The following CNTNAP2 variants were observed in gnomAD, a reference collection of about 807,000 sequenced individuals.
CNTNAP2 encodes the protein contactin-associated protein-like 2.
Under a neutral mutation model 155.2 loss-of-function variants are expected in CNTNAP2, and 98 were observed. The ratio of observed to expected loss-of-function variants is 0.63; its 90% CI spans 0.54 to 0.75. CNTNAP2 has a LOEUF of 0.75. Among genes scored for constraint, CNTNAP2 ranks in the 30% least tolerant of loss-of-function variants. The pLI is 0.00. For synonymous variants in CNTNAP2, 651 were observed against 631.2 expected, an observed-to-expected ratio of 1.03 and a Z score of -0.47; for missense variants, 1,727 against 1,688.1, an observed-to-expected ratio of 1.02 and a Z score of -0.40.
At chr7:147,858,726 A>G (rs1799086514) in intron 13 of CNTNAP2, among the ~76,000 whole-genome samples, 1 of 152,146 alleles carries the variant, frequency 6.6e-6, no homozygotes, top group South Asian at 2.1e-4. Context: ...CCAGGTGAGG[A>G]CAAAGTTAGA....
intron 12 of CNTNAP2, among the ~76,000 whole-genome samples, chr7:147,619,944 G>A (rs1443349086): frequency 6.6e-6 from 1 of 152,196 alleles, no homozygotes; most frequent in East Asian, 1.9e-4. Context: ...AGGAGTAGTT[G>A]TGTCACTCCA....
intron 11 of CNTNAP2, among the ~76,000 whole-genome samples, chr7:147,486,880 C>T (rs1419974106): frequency 3.4e-5 from 2 of 58,934 alleles, no homozygotes; most frequent in Non-Finnish European, 6.8e-5. Context: ...TGTGTGCATA[C>T]GTATGTGCCT....
At chr7:146,493,186 A>C (rs1797165061) in intron 1 of CNTNAP2, among the ~76,000 whole-genome samples, 1 of 152,208 alleles carries the variant, frequency 6.6e-6, no homozygotes, top group Non-Finnish European at 1.5e-5. Context: ...TTTATCCACA[A>C]GTATTAAGTC....
chr7:148,386,815 G>T (rs1010532636), intron 22 of CNTNAP2, among the ~76,000 whole-genome samples: 3 of 152,112 alleles, frequency 2.0e-5, no homozygotes, highest in Non-Finnish European at 4.4e-5. Flanking sequence ...ATGCATATAG[G>T]AGCTTGAAAA....
chr7:146,903,563 A>G (rs369724910), intron 3 of CNTNAP2, among the ~76,000 whole-genome samples: 1 of 152,214 alleles, frequency 6.6e-6, no homozygotes, highest in African/African-American at 2.4e-5. Flanking sequence ...TGAATTCATC[A>G]AGAAGATTTT....
chr7:147,460,636 GTT>G (rs10523598), intron 10 of CNTNAP2, among the ~76,000 whole-genome samples: 34,357 of 152,092 alleles, frequency 0.23, 4,372 homozygotes, highest in African/African-American at 0.34. Flanking sequence ...TCAGAGGAGA[GTT>G]TATGTTTGCA....
chr7:147,177,509 C>T (rs2201644), intron 8 of CNTNAP2, among the ~76,000 whole-genome samples: 52,141 of 152,044 alleles, frequency 0.34, 9,758 homozygotes, highest in East Asian at 0.56. Context: ...TATAAATTAC[C>T]CGTTCTCAGG....
At chr7:147,289,563 CAT>C (rs1805257008) in intron 8 of CNTNAP2, among the ~76,000 whole-genome samples, 1 of 152,192 alleles carries the variant, frequency 6.6e-6, no homozygotes, top group Non-Finnish European at 1.5e-5. Context: ...CTTGTATAAA[CAT>C]ATTCCTACTA....
intron 1 of CNTNAP2, among the ~76,000 whole-genome samples, chr7:146,222,331 GA>G (rs1226763447): frequency 6.6e-6 from 1 of 152,192 alleles, no homozygotes; most frequent in Non-Finnish European, 1.5e-5. Flanking sequence ...GTAGCCCAAT[GA>G]TGGAAGGAGG....
chr7:146,718,908 C>T (rs148904114), intron 1 of CNTNAP2, among the ~76,000 whole-genome samples: 14 of 152,148 alleles, frequency 9.2e-5, no homozygotes, highest in Non-Finnish European at 1.8e-4. Flanking sequence ...CCTCGGTCTT[C>T]ATGTTCACAA....
intron 14 of CNTNAP2, among the ~76,000 whole-genome samples, chr7:147,915,783 ACT>A (rs1405106554): frequency 2.6e-5 from 4 of 151,582 alleles, no homozygotes; most frequent in Non-Finnish European, 5.9e-5. Flanking sequence ...AAAAAAGGAA[ACT>A]CTTAATTTTA....
At chr7:147,901,231 G>C (rs1182949366) in intron 13 of CNTNAP2, among the ~76,000 whole-genome samples, 1 of 152,010 alleles carries the variant, frequency 6.6e-6, no homozygotes, top group Non-Finnish European at 1.5e-5. Context: ...ATCACATCTA[G>C]CCTCCCTGAA....
chr7:148,405,523 G>T (rs1463340104), intron 22 of CNTNAP2, among the ~76,000 whole-genome samples: 1 of 122,332 alleles, frequency 8.2e-6, no homozygotes, highest in East Asian at 2.9e-4. Flanking sequence ...CGCCTCCCAG[G>T]TTCAAGCGGT....
At chr7:146,537,803 A>C (rs1382766211) in intron 1 of CNTNAP2, among the ~76,000 whole-genome samples, 1 of 152,026 alleles carries the variant, frequency 6.6e-6, no homozygotes, top group Non-Finnish European at 1.5e-5. Context: ...GGCCAGTAAG[A>C]CTTGGGTTGA....
intron 1 of CNTNAP2, among the ~76,000 whole-genome samples, chr7:146,394,964 A>G (rs1397494194): frequency 6.6e-6 from 1 of 152,090 alleles, no homozygotes; most frequent in Non-Finnish European, 1.5e-5. Context: ...TTATTTTGCT[A>G]CCACTCATAA....
At chr7:148,015,093 CTT>C (rs1258751378) in intron 15 of CNTNAP2, among the ~76,000 whole-genome samples, 1 of 152,088 alleles carries the variant, frequency 6.6e-6, no homozygotes, top group Non-Finnish European at 1.5e-5. Flanking sequence ...AGGGTAAACA[CTT>C]TTATTTGTAA....
chr7:147,586,250 T>A (rs6947921), intron 12 of CNTNAP2, among the ~76,000 whole-genome samples: 104,441 of 151,402 alleles, frequency 0.69, 36,588 homozygotes, highest in African/African-American at 0.81. Context: ...CAGAGAAAAG[T>A]TTGCAAATGT....
At chr7:147,439,890 G>GT (rs1289202921) in intron 10 of CNTNAP2, among the ~76,000 whole-genome samples, 2 of 151,786 alleles carry the variant, frequency 1.3e-5, no homozygotes, top group Admixed American at 1.3e-4. Context: ...TATAAGAATC[G>GT]TAACTCCTAC....
chr7:147,880,680 A>G (rs1338689892), intron 13 of CNTNAP2, among the ~76,000 whole-genome samples: 2 of 152,298 alleles, frequency 1.3e-5, no homozygotes, highest in East Asian at 1.9e-4. Flanking sequence ...CTCTCGGGAC[A>G]TAGGTTAAGT....
Sources: gnomAD v4.1 joint callset for allele counts (sites outside exome capture counted in the v4.1 genomes callset) on GRCh38, gnomAD v4.1.1 for gene constraint, MANE v1.5 for transcripts, NCBI Gene and HGNC (gene_info 2026-07-23, HGNC 2026-07-21) for gene names.